The following ZFPM1 variants were observed in gnomAD, a reference collection of about 807,000 sequenced individuals.
The protein encoded by ZFPM1 is zinc finger protein, FOG family member 1, also known as zinc finger protein ZFPM1.
Under a neutral mutation model 46.3 loss-of-function variants are expected in ZFPM1, and 28 were observed. The observed-to-expected ratio is 0.60, with a 90% confidence interval of 0.45 to 0.83. The LOEUF is 0.83. Ranked by LOEUF, ZFPM1 falls within the 40% of genes least tolerant of loss-of-function variation. The pLI is 0.00. For missense variants in ZFPM1, 1,878 were observed against 1,432.4 expected, an observed-to-expected ratio of 1.31 and a Z score of -5.02; for synonymous variants, 957 against 675.9, an observed-to-expected ratio of 1.42 and a Z score of -6.45.
chr16:88,534,110 G>A lies in ZFPM1; in HGVS notation c.2152G>A (p.Ala718Thr). ...SRHDPPPRRP[A>T]APPGPPGPAA... The stretch of plus-strand genomic sequence containing the variant: ...CCACGACCCGCCGCCGCGCCGACCG[G>A]CCGCGCCCCCGGGACCCCCTGGGCC... The change falls in exon 10 of 10, where the codon GCC (alanine) becomes ACC (threonine). Residue 718 changes from alanine (A) to threonine (T), a missense_variant. Ala to Thr is a moderately conservative substitution (Grantham distance 58). Coordinates refer to ENST00000319555, the MANE Select transcript of ZFPM1 (RefSeq NM_153813.3). The A allele has an allele frequency of 1.8e-6, 2 of 1,141,028 alleles. No individual in the cohort carries two copies. Among genetic ancestry groups the A allele is most frequent in the Non-Finnish European group, 2.2e-6 (2 of 906,380 alleles). 70.7% of individuals were successfully genotyped at this position (1,141,028 alleles called of 1,614,324 possible).
rs1455927494 is a variant in ZFPM1, at chr16:88,534,003, G to A, written c.2045G>A (p.Arg682His). Residue 682 changes from arginine (R) to histidine (H), a missense_variant, in exon 10 of 10, where the codon CGC becomes CAC. Physicochemically the swap from Arg to His is conservative, Grantham distance 29. Transcript: ENST00000319555. The part of the protein sequence containing the change: ...SVDDAEDDPS[R>H]TLCEACNIRF... ...GACGACGCGGAGGACGACCCCAGCC[G>A]CACGCTGTGCGAGGCCTGCAACATC... 6 of 1,372,800 alleles carry A rather than the reference G, an allele frequency of 4.4e-6. No homozygotes were observed. Among genetic ancestry groups the A allele is most frequent in the East Asian group, 3.9e-5 (1 of 25,698 alleles). The allele number at this position is 1,372,800 out of a possible 1,614,324, so 85.0% of individuals were successfully genotyped here.
intron 3 of ZFPM1, among the ~76,000 whole-genome samples, chr16:88,498,347 A>C (rs1307328100): frequency 1.3e-5 from 2 of 152,176 alleles, no homozygotes; most frequent in African/African-American, 4.8e-5. Flanking sequence ...GGCGCATATC[A>C]GGTGCTGGAT....
intron 8 of ZFPM1, 23 bp from the exon 9 acceptor site, chr16:88,532,766 G>C: frequency 2.5e-6 from 4 of 1,612,968 alleles, no homozygotes; most frequent in Non-Finnish European, 3.4e-6. Flanking sequence ...CCTGGGCCTT[G>C]ACCACCTCGC....
upstream of ZFPM1, among the ~76,000 whole-genome samples, chr16:88,452,113 G>T (rs376999754): frequency 5.6e-4 from 86 of 152,290 alleles, no homozygotes; most frequent in African/African-American, 2.0e-3. Flanking sequence ...GCCCACTGAC[G>T]CCCGTTTCTT....
intron 3 of ZFPM1, among the ~76,000 whole-genome samples, chr16:88,506,419 A>G (rs1270413200): frequency 2.0e-5 from 3 of 150,432 alleles, no homozygotes; most frequent in Non-Finnish European, 3.0e-5. Flanking sequence ...CCCCTCAGTG[A>G]AATAGACTCA....
At chr16:88,475,783 C>T (rs1381513323) in intron 1 of ZFPM1, among the ~76,000 whole-genome samples, 1 of 152,182 alleles carries the variant, frequency 6.6e-6, no homozygotes, top group African/African-American at 2.4e-5. Flanking sequence ...GGGCTGGGCT[C>T]AGAGGAGCCC....
intron 3 of ZFPM1, among the ~76,000 whole-genome samples, chr16:88,502,768 T>C (rs897400115): frequency 2.0e-5 from 3 of 152,250 alleles, no homozygotes; most frequent in Non-Finnish European, 4.4e-5. Context: ...CAGGTCAGCA[T>C]GTCAAAGATG....
chr16:88,513,050 G>A (rs1330520011), intron 3 of ZFPM1: 3 of 152,280 alleles, frequency 2.0e-5, no homozygotes, highest in African/African-American at 7.2e-5. Context: ...TGGCCCGTGT[G>A]ACTGTGATGC....
Position 88,453,680 on chromosome 16 carries a change from T to C in ZFPM1, c.40+2T>C, listed in dbSNP as rs1191671158. Reference sequence around the variant, plus strand: ...AGAGCAACCCCCGGCAGATCAAGCGTGAGTCAAACTTTGCCCGCGGTCCCC... The same window carrying C: ...AGAGCAACCCCCGGCAGATCAAGCGCGAGTCAAACTTTGCCCGCGGTCCCC... On this transcript the variant is annotated splice_donor_variant, in intron 1 of 9. Coordinates refer to ENST00000319555, the MANE Select transcript of ZFPM1 (RefSeq NM_153813.3). LOFTEE classifies it high-confidence loss of function. 8.4e-7 allele frequency: 1 copy of C among 1,194,578 alleles called. No homozygotes were observed. Among genetic ancestry groups the C allele is most frequent in the Non-Finnish European group, 1.1e-6 (1 of 946,764 alleles). 74.0% of individuals were successfully genotyped at this position (1,194,578 alleles called of 1,614,324 possible). A position where few individuals can be genotyped will look rare whatever the true frequency, so the allele number is the denominator to read the frequency against.
At chr16:88,459,213 C>T (rs1054391396) in intron 1 of ZFPM1, among the ~76,000 whole-genome samples, 10 of 152,204 alleles carry the variant, frequency 6.6e-5, no homozygotes, top group African/African-American at 1.7e-4. Context: ...GTCACCCACT[C>T]CCCGCTCAGG....
At chr16:88,495,747 G>A (rs1260139288) in intron 3 of ZFPM1, among the ~76,000 whole-genome samples, 3 of 152,308 alleles carry the variant, frequency 2.0e-5, no homozygotes, top group East Asian at 3.9e-4. Flanking sequence ...CTATGGCCCC[G>A]GATGGAAGGT....
chr16:88,470,539 G>A (rs1249758241), intron 1 of ZFPM1, among the ~76,000 whole-genome samples: 1 of 147,434 alleles, frequency 6.8e-6, no homozygotes, highest in Non-Finnish European at 1.5e-5. Flanking sequence ...CGGTGTGGAG[G>A]GCCGGGTGGT....
At chr16:88,475,789 AGCCCCAGCATTGCCTGCAGCCGATGCT>A (rs1908655868) in intron 1 of ZFPM1, among the ~76,000 whole-genome samples, 1 of 152,102 alleles carries the variant, frequency 6.6e-6, no homozygotes, top group Non-Finnish European at 1.5e-5. Flanking sequence ...GGCTCAGAGG[AGCCCCAGCATTGCCTGCAGCCGATGCT>A]GCCTGGGACG....
At position 88,534,059 on chromosome 16, in the gene ZFPM1, C is replaced by T; in HGVS notation, c.2101C>T (p.His701Tyr). The T allele has an allele frequency of 1.5e-6, 2 of 1,310,966 alleles. No homozygotes were observed. The highest frequency in any genetic ancestry group is 2.0e-6 in the Non-Finnish European group (2 of 1,011,342). The allele number at this position is 1,310,966 out of a possible 1,614,324, so 81.2% of individuals were successfully genotyped here. ...RFSRHETYTV[H>Y]KRYYCASRHD... ...CAGCCGCCACGAGACCTACACCGTG[C>T]ACAAGCGGTACTACTGCGCCTCGCG... Residue 701 changes from histidine to tyrosine, a missense_variant, in exon 10 of 10, where the codon CAC (histidine) becomes TAC (tyrosine). By Grantham distance (83) the His-to-Tyr change is moderately conservative. Coordinates refer to ENST00000319555, the MANE Select transcript of ZFPM1 (RefSeq NM_153813.3).
intron 3 of ZFPM1, among the ~76,000 whole-genome samples, chr16:88,508,953 C>T (rs927230576): frequency 2.0e-5 from 3 of 152,190 alleles, no homozygotes; most frequent in Non-Finnish European, 2.9e-5. Context: ...AATCCGCACG[C>T]GGCGCGTCAT....
intron 2 of ZFPM1, among the ~76,000 whole-genome samples, chr16:88,487,039 G>C (rs773520442): frequency 6.6e-6 from 1 of 152,178 alleles, no homozygotes; most frequent in African/African-American, 2.4e-5. Context: ...GGGCCCTCCT[G>C]GTGGCCAATT....
At chr16:88,507,135 G>A (rs1206003172) in intron 3 of ZFPM1, among the ~76,000 whole-genome samples, 2 of 152,194 alleles carry the variant, frequency 1.3e-5, no homozygotes, top group African/African-American at 4.8e-5. Context: ...TATGGCCTGG[G>A]CTGCAGACAT....
chr16:88,533,488 C>T lies in ZFPM1; in HGVS notation c.1530C>T (p.Gly510=). 2.1e-6 allele frequency: 3 copies of T among 1,402,400 alleles called. No individual in the cohort carries two copies. The highest frequency in any genetic ancestry group is 2.8e-5 in the South Asian group (2 of 70,342). 86.9% of individuals were successfully genotyped at this position (1,402,400 alleles called of 1,614,324 possible). A position where few individuals can be genotyped will look rare whatever the true frequency, so the allele number is the denominator to read the frequency against. The change falls in exon 10 of 10, where the codon GGC becomes GGT. Residue 510 remains glycine (G), a synonymous_variant. Transcript: ENST00000319555. ...CCGAGCTGTCCAGCCCCACGCCGGG[C>T]TCCAGCCCGGTGCCCGGCGAGCTGG... ...VKAELSSPTP[G]SSPVPGELGL... is the part of the protein sequence containing the mutation.
rs958362439 is a variant in ZFPM1, at chr16:88,469,343, T to G, written c.40+15665T>G. Among the ~76,000 whole-genome samples, 2 of 152,218 alleles carry G rather than the reference T, an allele frequency of 1.3e-5. No homozygotes were observed. Among genetic ancestry groups the G allele is most frequent in the Admixed American group, 1.3e-4 (2 of 15,288 alleles). Reference sequence around the variant, plus strand: ...CCATCTGTAAAACCGGAAGGCGGTCTAGTAGGTCTGCCTCCCAGGATGGTT... The same window carrying G: ...CCATCTGTAAAACCGGAAGGCGGTCGAGTAGGTCTGCCTCCCAGGATGGTT... On this transcript the variant is annotated intron_variant, in intron 1 of 9. Transcript: ENST00000319555. The surrounding 1 kb of genome is among the most constrained non-coding windows in gnomAD (Gnocchi z 4.3).
Sources: gnomAD v4.1 joint callset for allele counts (sites outside exome capture counted in the v4.1 genomes callset) on GRCh38, gnomAD v4.1.1 for gene constraint, Gnocchi (gnomAD v3.1) non-coding constraint, MANE v1.5 for transcripts, NCBI Gene and HGNC (gene_info 2026-07-23, HGNC 2026-07-21) for gene names.